GLIS3: variants seen among roughly 807,000 people sequenced by gnomAD.
GLIS3 encodes the protein GLIS family zinc finger 3.
Under a neutral mutation model 78.6 loss-of-function variants are expected in GLIS3, and 53 were observed. That is an observed-to-expected ratio of 0.67 (90% CI 0.54 to 0.85). GLIS3 has a LOEUF of 0.85. GLIS3 is among the 40% of genes least tolerant of loss of function. The pLI is 0.00. For missense variants in GLIS3, 1,703 were observed against 1,231.1 expected (o/e 1.38, Z -5.74); for synonymous variants, 684 against 509.9 (o/e 1.34, Z -4.60).
chr9:4,220,509 T>C (rs1422532731), intron 2 of GLIS3, among the ~76,000 whole-genome samples: 2 of 152,168 alleles, frequency 1.3e-5, no homozygotes, highest in African/African-American at 4.8e-5. Context: ...ACTGAGAACA[T>C]ACATCATGTC....
At chr9:3,899,042 ATG>A in intron 6 of GLIS3, 1 of 642,622 alleles carries the variant, frequency 1.6e-6, no homozygotes, top group South Asian at 1.8e-5. Context: ...TTCTGGAAAA[ATG>A]TGGCTAGAGG....
the GLIS3 span, among the ~76,000 whole-genome samples, chr9:4,402,960 G>C: frequency 6.6e-6 from 1 of 152,102 alleles, no homozygotes; most frequent in Non-Finnish European, 1.5e-5. Flanking sequence ...ATTCAAGTAT[G>C]AGAAGGTTAA....
the GLIS3 span, among the ~76,000 whole-genome samples, chr9:4,426,561 A>T: frequency 6.6e-6 from 1 of 152,236 alleles, no homozygotes; most frequent in African/African-American, 2.4e-5. Flanking sequence ...AGATTTCTCT[A>T]TAGAGCTTTT....
At position 4,264,088 on chromosome 9, in the gene GLIS3, G is replaced by C. The variant is rs540829172; in HGVS notation, c.388+21950C>G. On this transcript the variant is annotated intron_variant, in intron 2 of 10. Coordinates refer to ENST00000381971, the MANE Select transcript of GLIS3 (RefSeq NM_001042413.2). ...AACATCCCCACTTGAAGAACTAATAGGTATCTCAAATACAATTATTTTCAG... is the reference window on the plus strand; with the variant it reads ...AACATCCCCACTTGAAGAACTAATACGTATCTCAAATACAATTATTTTCAG... Among the ~76,000 whole-genome samples the C allele has an allele frequency of 2.0e-5, 3 of 152,136 alleles. No individual in the cohort carries two copies. The East Asian group carries it at 5.8e-4, about 29-fold the overall frequency.
At chr9:3,856,908 A>T (rs967656024) in intron 8 of GLIS3, among the ~76,000 whole-genome samples, 1 of 152,160 alleles carries the variant, frequency 6.6e-6, no homozygotes, top group South Asian at 2.1e-4. Flanking sequence ...AAATAAGGAG[A>T]TGTTGTCAAG....
intron 2 of GLIS3, among the ~76,000 whole-genome samples, chr9:4,327,072 T>A (rs1000165120): frequency 6.6e-6 from 1 of 152,174 alleles, no homozygotes; most frequent in Non-Finnish European, 1.5e-5. Flanking sequence ...GAGGTTACAA[T>A]GTGATCTGTG....
chr9:4,330,012 T>A (rs533558154), intron 2 of GLIS3, among the ~76,000 whole-genome samples: 58 of 152,330 alleles, frequency 3.8e-4, no homozygotes, highest in Non-Finnish European at 5.9e-4. Flanking sequence ...ACAGAGCCCT[T>A]GCCAAGTCAG....
At chr9:4,184,291 G>A (rs1817578403) in intron 2 of GLIS3, among the ~76,000 whole-genome samples, 1 of 152,148 alleles carries the variant, frequency 6.6e-6, no homozygotes, top group Non-Finnish European at 1.5e-5. Flanking sequence ...TTTGCATGAA[G>A]ATATGTGACT....
chr9:4,025,544 T>C (rs1012163287), intron 4 of GLIS3, among the ~76,000 whole-genome samples: 44 of 152,132 alleles, frequency 2.9e-4, no homozygotes, highest in East Asian at 2.7e-3. Flanking sequence ...CCCACCACCA[T>C]GCCTGGCTAA....
chr9:4,379,022 T>C, the GLIS3 span, among the ~76,000 whole-genome samples: 1 of 152,220 alleles, frequency 6.6e-6, no homozygotes, highest in Non-Finnish European at 1.5e-5. Context: ...GAAAATGCTA[T>C]ATAAGCTCCG....
At chr9:4,345,352 A>C (rs948901388) in intron 2 of GLIS3, among the ~76,000 whole-genome samples, 1 of 151,852 alleles carries the variant, frequency 6.6e-6, no homozygotes, top group Non-Finnish European at 1.5e-5. Context: ...TCCCTATCCT[A>C]TCTACTTTAT....
chr9:4,317,171 A>G (rs990543211), intron 2 of GLIS3, among the ~76,000 whole-genome samples: 70 of 152,222 alleles, frequency 4.6e-4, no homozygotes, highest in Non-Finnish European at 1.9e-4. Context: ...AGCTCAAAAT[A>G]TATTCTTGCA....
intron 4 of GLIS3, among the ~76,000 whole-genome samples, chr9:4,057,089 A>G (rs1826215394): frequency 1.3e-5 from 2 of 151,918 alleles, no homozygotes; most frequent in Admixed American, 1.3e-4. Context: ...TCAAGACCAC[A>G]ATTCTAGAAC....
At chr9:4,315,574 A>G (rs1393050625) in intron 2 of GLIS3, among the ~76,000 whole-genome samples, 1 of 152,180 alleles carries the variant, frequency 6.6e-6, no homozygotes. Context: ...CATGCCTTAG[A>G]AATAGAGTTT....
At chr9:4,415,221 TCAGA>T in the GLIS3 span, among the ~76,000 whole-genome samples, 2 of 152,192 alleles carry the variant, frequency 1.3e-5, no homozygotes, top group South Asian at 2.1e-4. Flanking sequence ...ATTGACTCCC[TCAGA>T]CAAAGTCCTG....
chr9:4,423,591 C>T, the GLIS3 span, among the ~76,000 whole-genome samples: 1 of 152,084 alleles, frequency 6.6e-6, no homozygotes, highest in South Asian at 2.1e-4. Flanking sequence ...TAAACAAGCT[C>T]GTATAAGGGA....
intron 4 of GLIS3, among the ~76,000 whole-genome samples, chr9:4,092,129 T>G (rs1415379464): frequency 6.7e-6 from 1 of 149,480 alleles, no homozygotes; most frequent in African/African-American, 2.5e-5. Flanking sequence ...ATAATAAATT[T>G]ATCTTACTGT....
intron 6 of GLIS3, among the ~76,000 whole-genome samples, chr9:3,914,500 T>G (rs1824371035): frequency 6.6e-6 from 1 of 152,080 alleles, no homozygotes; most frequent in African/African-American, 2.4e-5. Flanking sequence ...CAACCCACAT[T>G]CATGCCAAAT....
At chr9:4,441,682 C>G in the GLIS3 span, among the ~76,000 whole-genome samples, 1 of 152,248 alleles carries the variant, frequency 6.6e-6, no homozygotes, top group Admixed American at 6.5e-5. Flanking sequence ...TCTCGGCTCC[C>G]TACAACCTCT....
Sources: gnomAD v4.1 joint callset for allele counts (sites outside exome capture counted in the v4.1 genomes callset) on GRCh38, gnomAD v4.1.1 for gene constraint, MANE v1.5 for transcripts, NCBI Gene and HGNC (gene_info 2026-07-23, HGNC 2026-07-21) for gene names.